DLGAP2: variants seen among roughly 807,000 people sequenced by gnomAD.
The protein encoded by DLGAP2 is DLG associated protein 2.
DLGAP2 carries 26 observed loss-of-function variants against 100.3 expected under a neutral mutation model. The ratio of observed to expected loss-of-function variants is 0.26; its 90% CI spans 0.19 to 0.36. The LOEUF (loss-of-function observed/expected upper bound fraction) is 0.36, where lower values mean the gene tolerates loss of function less well. Among genes scored for constraint, DLGAP2 ranks in the 10% least tolerant of loss-of-function variants. The pLI is 1.00. For synonymous variants in DLGAP2, 886 were observed against 630.1 expected (o/e 1.41, Z -6.08); for missense variants, 1,858 against 1,453.2 (o/e 1.28, Z -4.53).
chr8:1,544,836 G>A (rs1270175457), intron 4 of DLGAP2, among the ~76,000 whole-genome samples: 5 of 151,740 alleles, frequency 3.3e-5, no homozygotes, highest in East Asian at 2.0e-4. Flanking sequence ...GGGTTCAAGC[G>A]ATTCTCCTGC....
At chr8:1,140,719 C>T (rs1212283651) in intron 2 of DLGAP2, among the ~76,000 whole-genome samples, 1 of 152,186 alleles carries the variant, frequency 6.6e-6, no homozygotes, top group Non-Finnish European at 1.5e-5. Context: ...TACCTGTAAT[C>T]CCAGCACTTT....
rs139371496 is a variant in DLGAP2, at chr8:1,001,085, G to A, written c.73+93119G>A. On this transcript the variant is annotated intron_variant, in intron 2 of 14. Coordinates refer to ENST00000637795, the MANE Select transcript of DLGAP2 (RefSeq NM_001346810.2). The stretch of plus-strand genomic sequence containing the variant: ...ACTTCTCTGAGTGGCAATGACAGAG[G>A]GAATCACAATTTCTCCACTCTCTTC... Among the ~76,000 whole-genome samples the A allele has an allele frequency of 3.1e-3, 477 of 152,256 alleles. 3 individuals are homozygous for A. The highest frequency in any genetic ancestry group is 0.011 in the African/African-American group (452 of 41,540).
intron 2 of DLGAP2, among the ~76,000 whole-genome samples, chr8:1,046,678 G>A (rs904661333): frequency 6.6e-6 from 1 of 152,226 alleles, no homozygotes; most frequent in Non-Finnish European, 1.5e-5. Flanking sequence ...CTTAGCATCA[G>A]TGTCTTGCAT....
intron 2 of DLGAP2, among the ~76,000 whole-genome samples, chr8:1,218,249 T>G (rs1396990212): frequency 6.6e-6 from 1 of 152,212 alleles, no homozygotes; most frequent in Non-Finnish European, 1.5e-5. Flanking sequence ...TGATCCATCT[T>G]GAGTTAATTA....
At chr8:1,506,539 A>T (rs1276448975) in intron 4 of DLGAP2, among the ~76,000 whole-genome samples, 2 of 152,196 alleles carry the variant, frequency 1.3e-5, no homozygotes, top group African/African-American at 4.8e-5. Context: ...CCAAAGAGTG[A>T]GCAACAGCAA....
At chr8:1,330,008 C>A (rs942902315) in intron 3 of DLGAP2, among the ~76,000 whole-genome samples, 1 of 152,206 alleles carries the variant, frequency 6.6e-6, no homozygotes, top group Admixed American at 6.5e-5. Context: ...AGCTGCGGAC[C>A]CCAGGGACAG....
At chr8:1,272,945 C>T (rs114823712) in intron 3 of DLGAP2, among the ~76,000 whole-genome samples, 3,041 of 152,174 alleles carry the variant, frequency 0.02, 120 homozygotes, top group African/African-American at 0.069. Context: ...AGCTTCTGTG[C>T]CGTGGGTTAT....
intron 2 of DLGAP2, among the ~76,000 whole-genome samples, chr8:1,113,535 T>G (rs1364288560): frequency 6.6e-6 from 1 of 152,228 alleles, no homozygotes; most frequent in African/African-American, 2.4e-5. Context: ...CTAGTGATTT[T>G]TGTACATTGA....
intron 2 of DLGAP2, among the ~76,000 whole-genome samples, chr8:1,033,749 C>T (rs1322783125): frequency 1.3e-5 from 2 of 150,884 alleles, no homozygotes; most frequent in African/African-American, 4.9e-5. Flanking sequence ...TTCACACACT[C>T]ATCCCGACCC....
At position 807,828 on chromosome 8, in the gene DLGAP2, C is replaced by T. The variant is rs375701428; in HGVS notation, c.18+70003C>T. Among the ~76,000 whole-genome samples, 20 of 152,196 alleles carry T rather than the reference C, an allele frequency of 1.3e-4. 1 individual carries two copies. The highest frequency in any genetic ancestry group is 4.2e-4 in the South Asian group (2 of 4,818). ...GAACTTAAAGCTACTTTCAAAATGA[C>T]GGGGGTGCTGGTGCACAGGAATAAG... On this transcript the variant is annotated intron_variant, in intron 1 of 14. Transcript: ENST00000637795.
At chr8:788,345 C>T (rs1368121503) in intron 1 of DLGAP2, among the ~76,000 whole-genome samples, 1 of 152,162 alleles carries the variant, frequency 6.6e-6, no homozygotes, top group South Asian at 2.1e-4. Context: ...TTCACATGGT[C>T]TGGTCGAGGC....
chr8:1,386,829 G>A (rs915444535), intron 3 of DLGAP2, among the ~76,000 whole-genome samples: 18 of 152,140 alleles, frequency 1.2e-4, no homozygotes, highest in Admixed American at 7.9e-4. Context: ...TTACCATATT[G>A]ATGGAAAAAA....
At chr8:896,815 C>G (rs966931029) in intron 1 of DLGAP2, among the ~76,000 whole-genome samples, 2 of 152,190 alleles carry the variant, frequency 1.3e-5, no homozygotes, top group African/African-American at 4.8e-5. Flanking sequence ...GCCCCCCAGT[C>G]TGTGGCTTTT....
chr8:1,337,008 T>G (rs1801289929), intron 3 of DLGAP2, among the ~76,000 whole-genome samples: 1 of 152,172 alleles, frequency 6.6e-6, no homozygotes, highest in Non-Finnish European at 1.5e-5. Context: ...GCAGAGGCAA[T>G]GAGTCTCTAG....
intron 6 of DLGAP2, among the ~76,000 whole-genome samples, chr8:1,573,960 G>C (rs7836625): frequency 2.0e-5 from 3 of 152,138 alleles, no homozygotes; most frequent in Admixed American, 6.5e-5. Context: ...GTAAAGTGAG[G>C]TGCTCTCTAA....
At chr8:1,298,284 T>C (rs146529174) in intron 3 of DLGAP2, among the ~76,000 whole-genome samples, 465 of 152,284 alleles carry the variant, frequency 3.1e-3, no homozygotes, top group African/African-American at 0.011. Context: ...ATTGAAGTTA[T>C]CTAAACCCCC....
rs368275555 is a variant in DLGAP2, at chr8:1,266,365, C to T, written c.106+7482C>T. Among the ~76,000 whole-genome samples the T allele has an allele frequency of 3.3e-4, 51 of 152,336 alleles. No individual in the cohort carries two copies. In the East Asian group the frequency reaches 5.6e-3, roughly 17 times the overall value. ...AGCGCAGATTCACCTGGGTGATACT[C>T]TGTCTACGGGGCAAGGTGTGGAGCA... On this transcript the variant is annotated intron_variant, in intron 3 of 14. Coordinates refer to ENST00000637795, the MANE Select transcript of DLGAP2 (RefSeq NM_001346810.2).
intron 2 of DLGAP2, among the ~76,000 whole-genome samples, chr8:943,298 TG>T (rs534173612): frequency 7.2e-6 from 1 of 138,484 alleles, no homozygotes; most frequent in African/African-American, 2.5e-5. Context: ...GTGTCATCAG[TG>T]GGAAAAAAAA....
chr8:1,498,923 C>CG (rs1563184623), intron 3 of DLGAP2, among the ~76,000 whole-genome samples: 1 of 152,218 alleles, frequency 6.6e-6, no homozygotes, highest in African/African-American at 2.4e-5. Context: ...ACACCGCACT[C>CG]GGAAACCTTC....
Sources: gnomAD v4.1 joint callset for allele counts (sites outside exome capture counted in the v4.1 genomes callset) on GRCh38, gnomAD v4.1.1 for gene constraint, MANE v1.5 for transcripts, NCBI Gene and HGNC (gene_info 2026-07-23, HGNC 2026-07-21) for gene names.